The following SPON1 variants were observed in gnomAD, a reference collection of about 807,000 sequenced individuals.
The protein encoded by SPON1 is spondin 1.
SPON1 carries 52 observed loss-of-function variants against 111.7 expected under a neutral mutation model. The ratio of observed to expected loss-of-function variants is 0.47; its 90% CI spans 0.37 to 0.59. The LOEUF (loss-of-function observed/expected upper bound fraction) is 0.59, where lower values mean the gene tolerates loss of function less well. Among genes scored for constraint, SPON1 ranks in the 20% least tolerant of loss-of-function variants. The probability of loss-of-function intolerance (pLI) is 0.00; values close to 1 mark genes in which losing one functional copy is unlikely to be tolerated. For missense variants in SPON1, 957 were observed against 1,068.5 expected (o/e 0.90, Z 1.46); for synonymous variants, 410 against 395.8 (o/e 1.04, Z -0.43).
At chr11:14,143,989 C>T (rs1185517964) in intron 6 of SPON1, among the ~76,000 whole-genome samples, 1 of 152,164 alleles carries the variant, frequency 6.6e-6, no homozygotes, top group African/African-American at 2.4e-5. Context: ...ACCATGAAAA[C>T]AGTAGAGAAC....
chr11:14,063,044 C>T (rs1819083), intron 3 of SPON1, among the ~76,000 whole-genome samples: 69,310 of 151,756 alleles, frequency 0.46, 16,487 homozygotes, highest in South Asian at 0.65. Flanking sequence ...ACCTATCCTA[C>T]TTTGTAAAGG....
At chr11:13,983,814 A>G (rs1439689845) in intron 2 of SPON1, among the ~76,000 whole-genome samples, 1 of 152,184 alleles carries the variant, frequency 6.6e-6, no homozygotes, top group African/African-American at 2.4e-5. Context: ...GCAAATTAAG[A>G]AGAAAAAAAC....
chr11:14,034,714 G>A (rs2133810289), intron 2 of SPON1, among the ~76,000 whole-genome samples: 1 of 152,266 alleles, frequency 6.6e-6, no homozygotes, highest in South Asian at 2.1e-4. Context: ...TTTGGCTTCA[G>A]ACAACCCTGG....
intron 5 of SPON1, among the ~76,000 whole-genome samples, chr11:14,091,433 G>C (rs1187358529): frequency 6.6e-6 from 1 of 152,238 alleles, no homozygotes; most frequent in African/African-American, 2.4e-5. Context: ...GTGGGTGGGA[G>C]GCTCAGGCAT....
chr11:14,169,688 A>C (rs528662164), intron 6 of SPON1, among the ~76,000 whole-genome samples: 1 of 151,232 alleles, frequency 6.6e-6, no homozygotes, highest in Non-Finnish European at 1.5e-5. Context: ...AGGTGTAAGG[A>C]GATCCAGTTT....
chr11:14,151,659 G>A (rs535359998), intron 6 of SPON1, among the ~76,000 whole-genome samples: 3 of 152,120 alleles, frequency 2.0e-5, no homozygotes, highest in African/African-American at 4.8e-5. Context: ...CTCAGAGAAG[G>A]AAAGAAATGT....
At chr11:13,990,457 A>G (rs138953345) in intron 2 of SPON1, among the ~76,000 whole-genome samples, 10,625 of 123,726 alleles carry the variant, frequency 0.086, 501 homozygotes, top group Middle Eastern at 0.2. Context: ...TTTTGAGCCT[A>G]TGTGTGTCTT....
At chr11:14,091,678 G>A (rs1419752913) in intron 5 of SPON1, among the ~76,000 whole-genome samples, 3 of 152,034 alleles carry the variant, frequency 2.0e-5, no homozygotes, top group Admixed American at 6.5e-5. Flanking sequence ...CGCAAGTGCC[G>A]CCCGCAGCCC....
At chr11:14,222,384 C>T (rs782520581) in intron 6 of SPON1, among the ~76,000 whole-genome samples, 2 of 152,232 alleles carry the variant, frequency 1.3e-5, no homozygotes, top group South Asian at 2.1e-4. Context: ...TATTTTGAGA[C>T]ATACGGCAAA....
rs1848496842 is a variant in SPON1 at position 14,204,515 on chromosome 11, T to C, written c.826-38817T>C. 2.0e-5 allele frequency among the ~76,000 whole-genome samples: 3 copies of C among 152,022 alleles called. No homozygotes were observed. In the South Asian group the frequency reaches 6.2e-4, roughly 32 times the overall value. Reference sequence around the variant, plus strand: ...GTTGCCCAGACTGGTCTCAAACTCCTGGGCTCAAGTGATCCTCCCGCCTCA... The same window carrying C: ...GTTGCCCAGACTGGTCTCAAACTCCCGGGCTCAAGTGATCCTCCCGCCTCA... On this transcript the variant is annotated intron_variant, in intron 6 of 15. Transcript: ENST00000576479.
intron 7 of SPON1, among the ~76,000 whole-genome samples, chr11:14,246,146 G>C (rs915022738): frequency 6.6e-6 from 1 of 152,118 alleles, no homozygotes; most frequent in Non-Finnish European, 1.5e-5. Context: ...CACCATTAAG[G>C]AGTCTTTATA....
intron 6 of SPON1, among the ~76,000 whole-genome samples, chr11:14,223,444 A>G (rs1848702862): frequency 6.6e-6 from 1 of 152,214 alleles, no homozygotes; most frequent in South Asian, 2.1e-4. Context: ...AATACGATGC[A>G]ATAAAATTGT....
intron 5 of SPON1, among the ~76,000 whole-genome samples, chr11:14,113,651 G>A (rs1849244346): frequency 7.6e-6 from 1 of 130,978 alleles, no homozygotes; most frequent in Non-Finnish European, 1.6e-5. Flanking sequence ...CGCCCAGGCT[G>A]GAGTGCAGTG....
At chr11:13,972,972 C>T (rs1468384597) in intron 1 of SPON1, among the ~76,000 whole-genome samples, 1 of 152,182 alleles carries the variant, frequency 6.6e-6, no homozygotes, top group African/African-American at 2.4e-5. Context: ...CCGTTCCCTC[C>T]TTCGCTCTAT....
chr11:14,062,472 C>G (rs781785880), intron 3 of SPON1, among the ~76,000 whole-genome samples: 7 of 152,150 alleles, frequency 4.6e-5, no homozygotes, highest in African/African-American at 1.7e-4. Context: ...ACAATAGCAT[C>G]GCAAACTGGG....
intron 6 of SPON1, among the ~76,000 whole-genome samples, chr11:14,241,219 T>A (rs145112610): frequency 3.2e-4 from 48 of 151,776 alleles, no homozygotes; most frequent in Non-Finnish European, 5.4e-4. Context: ...ACATTGTGAG[T>A]TTCTGTGATG....
chr11:14,265,779 C>T lies in SPON1; in HGVS notation c.*92C>T, dbSNP rs1010851228. The T allele has an allele frequency of 1.2e-5, 17 of 1,400,140 alleles. No individual in the cohort carries two copies. Among genetic ancestry groups the T allele is most frequent in the South Asian group, 8.4e-5 (6 of 71,242 alleles). The allele number at this position is 1,400,140 out of a possible 1,614,324, so 86.7% of individuals were successfully genotyped here. A position where few individuals can be genotyped will look rare whatever the true frequency, so the allele number is the denominator to read the frequency against. On this transcript the variant is annotated 3_prime_UTR_variant, in exon 16 of 16. Coordinates refer to ENST00000576479, the MANE Select transcript of SPON1 (RefSeq NM_006108.4). Reference sequence around the variant, plus strand: ...TGTTTAAGACAATTTAAATTGTGTACGCTAGTTTTCATTTTTGCAGTGTGG... The same window carrying T: ...TGTTTAAGACAATTTAAATTGTGTATGCTAGTTTTCATTTTTGCAGTGTGG...
chr11:14,029,382 T>A (rs377393785), intron 2 of SPON1, among the ~76,000 whole-genome samples: 1 of 152,194 alleles, frequency 6.6e-6, no homozygotes, highest in East Asian at 1.9e-4. Context: ...GTGATTATAA[T>A]ATACACTGAT....
At chr11:13,997,903 G>A (rs368367489) in intron 2 of SPON1, among the ~76,000 whole-genome samples, 2 of 151,966 alleles carry the variant, frequency 1.3e-5, no homozygotes, top group East Asian at 1.9e-4. Flanking sequence ...AAAAGGCTCC[G>A]CACCAGAGGT....
Sources: gnomAD v4.1 joint callset for allele counts (sites outside exome capture counted in the v4.1 genomes callset) on GRCh38, gnomAD v4.1.1 for gene constraint, MANE v1.5 for transcripts, NCBI Gene and HGNC (gene_info 2026-07-23, HGNC 2026-07-21) for gene names.